Variants in KIF27 observed in about 807,000 individuals in gnomAD.
KIF27 encodes the protein kinesin-like protein KIF27.
Under a neutral mutation model 141.8 loss-of-function variants are expected in KIF27, and 84 were observed. The observed-to-expected ratio is 0.59, with a 90% CI of 0.50 to 0.71. The LOEUF (loss-of-function observed/expected upper bound fraction) is 0.71. KIF27 is among the 30% of genes least tolerant of loss of function. KIF27 has a pLI of 0.00. For missense variants in KIF27, 1,306 were observed against 1,628.4 expected (o/e 0.80, Z 3.41); for synonymous variants, 471 against 569.5 (o/e 0.83, Z 2.46).
At position 83,859,374 on chromosome 9, in the gene KIF27, A is replaced by C; in HGVS notation, c.2935-3T>G. 6.2e-7 allele frequency: 1 copy of C among 1,609,822 alleles called. No individual in the cohort carries two copies. Among genetic ancestry groups the C allele is most frequent in the East Asian group, 2.2e-5 (1 of 44,854 alleles). The stretch of plus-strand genomic sequence containing the variant: ...TTCAAACTATCTGTGTTTAAGGCCT[A>C]AAAGATACAACCCACCAGCCACCTC... On this transcript the variant is annotated splice_region_variant and splice_polypyrimidine_tract_variant and intron_variant, in intron 13 of 17. Coordinates refer to ENST00000297814, the MANE Select transcript of KIF27 (RefSeq NM_017576.4).
chr9:83,901,587 TGTGTTGG>T (rs1953894051), intron 4 of KIF27, among the ~76,000 whole-genome samples: 1 of 152,114 alleles, frequency 6.6e-6, no homozygotes, highest in Non-Finnish European at 1.5e-5. Context: ...AATTTTTTTG[TGTGTTGG>T]CCGGGTGCGG....
At chr9:83,845,916 G>A (rs576294151) in intron 16 of KIF27, among the ~76,000 whole-genome samples, 191 of 152,282 alleles carry the variant, frequency 1.3e-3, no homozygotes, top group African/African-American at 4.3e-3. Context: ...GCTCACCAAC[G>A]GATGACCTCA....
intron 3 of KIF27, among the ~76,000 whole-genome samples, chr9:83,907,140 A>C (rs1402116382): frequency 6.6e-6 from 1 of 151,674 alleles, no homozygotes; most frequent in Non-Finnish European, 1.5e-5. Flanking sequence ...AATACAAAAA[A>C]TTAGCTGGAC....
chr9:83,844,804 G>A (rs918424692), intron 16 of KIF27, among the ~76,000 whole-genome samples: 1 of 152,166 alleles, frequency 6.6e-6, no homozygotes, highest in African/African-American at 2.4e-5. Flanking sequence ...GTGGTGTGGG[G>A]CCTGTCGAAA....
At chr9:83,906,744 C>CAAAAAAAA (rs565683124) in intron 3 of KIF27, among the ~76,000 whole-genome samples, 2 of 50,030 alleles carry the variant, frequency 4.0e-5, no homozygotes, top group Admixed American at 2.2e-4. Context: ...ACCCTGTCTC[C>CAAAAAAAA]AAAAAAAAAA....
At position 83,867,769 on chromosome 9, in the gene KIF27, T is replaced by C; in HGVS notation, c.2849A>G (p.Lys950Arg). 1 of 1,613,722 alleles carries C rather than the reference T, an allele frequency of 6.2e-7. No homozygotes were observed. Among genetic ancestry groups the C allele is most frequent in the Non-Finnish European group, 8.5e-7 (1 of 1,179,756 alleles). ...QELEELEADL[K>R]KREAIVSKKE... The stretch of plus-strand genomic sequence containing the variant: ...CTTAGAAACTATGGCCTCCCGTTTC[T>C]TTAAGTCTGCTTCCAGCTCCTCTAA... The change falls in exon 13 of 18, where the codon AAG becomes AGG. Residue 950 changes from lysine to arginine, a missense_variant. This residue lies in a region of KIF27 where 596 missense variants were observed against 751.6 expected (regional missense o/e 0.79). Coordinates refer to ENST00000297814, the MANE Select transcript of KIF27 (RefSeq NM_017576.4).
At chr9:83,870,699 A>AT in intron 11 of KIF27, 67 bp from the exon 12 acceptor site, 3 of 1,445,292 alleles carry the variant, frequency 2.1e-6, no homozygotes, top group Admixed American at 5.5e-5. Flanking sequence ...GCTGATGACA[A>AT]TTATTTTCTT....
intron 5 of KIF27, among the ~76,000 whole-genome samples, chr9:83,893,275 T>C (rs1952853448): frequency 6.6e-6 from 1 of 152,050 alleles, no homozygotes. Context: ...ATTACTGATA[T>C]AACAAAAAGA....
At chr9:83,899,169 A>G (rs967531684) in intron 5 of KIF27, among the ~76,000 whole-genome samples, 1 of 152,226 alleles carries the variant, frequency 6.6e-6, no homozygotes, top group East Asian at 1.9e-4. Context: ...AGGGAGTTTA[A>G]TATGTAGAGG....
chr9:83,860,420 C>G (rs941428740), intron 13 of KIF27, among the ~76,000 whole-genome samples: 3 of 152,152 alleles, frequency 2.0e-5, no homozygotes, highest in Non-Finnish European at 4.4e-5. Context: ...GGATTTAGCA[C>G]TCTTGTACCT....
rs575293786 is a variant in KIF27 at position 83,849,970 on chromosome 9, C to T, written c.3556+129G>A. On this transcript the variant is annotated intron_variant, in intron 16 of 17. Transcript: ENST00000297814. The stretch of plus-strand genomic sequence containing the variant: ...AATGCGGCAACCAAAACATGTAAAG[C>T]CCAAAAACTTGTCTAAGTAGCAACT... The T allele has an allele frequency of 7.6e-4, 595 of 787,142 alleles. 1 individual carries two copies. The highest frequency in any genetic ancestry group is 1.1e-3 in the Non-Finnish European group (525 of 473,228). The allele number at this position is 787,142 out of a possible 1,614,324, so 48.8% of individuals were successfully genotyped here.
intron 16 of KIF27, among the ~76,000 whole-genome samples, chr9:83,847,262 T>G (rs1168474249): frequency 6.6e-6 from 1 of 152,196 alleles, no homozygotes; most frequent in Non-Finnish European, 1.5e-5. Flanking sequence ...ACTGTCATAG[T>G]TCCTCCTTAT....
chr9:83,847,198 T>C (rs1262380782), intron 16 of KIF27, among the ~76,000 whole-genome samples: 1 of 152,182 alleles, frequency 6.6e-6, no homozygotes, highest in Non-Finnish European at 1.5e-5. Context: ...CAGAAGAAGG[T>C]GGTCATCAAT....
chr9:83,912,935 T>C (rs759039362), intron 2 of KIF27, among the ~76,000 whole-genome samples: 1 of 151,768 alleles, frequency 6.6e-6, no homozygotes, highest in Non-Finnish European at 1.5e-5. Context: ...GCAGGGCGGA[T>C]CACTTGATCT....
At chr9:83,838,320 G>A (rs1283985759) in intron 17 of KIF27, among the ~76,000 whole-genome samples, 2 of 151,858 alleles carry the variant, frequency 1.3e-5, no homozygotes, top group Admixed American at 6.6e-5. Context: ...TGCAAGCTCC[G>A]CTTCCTGGGT....
intron 2 of KIF27, among the ~76,000 whole-genome samples, chr9:83,913,060 G>T (rs1955333906): frequency 6.6e-6 from 1 of 151,816 alleles, no homozygotes. Flanking sequence ...AGATACTTAG[G>T]AGGCCAAGGT....
At chr9:83,889,052 A>G (rs1952408609) in intron 7 of KIF27, 32 bp downstream of exon 7, 10 of 1,580,576 alleles carry the variant, frequency 6.3e-6, no homozygotes, top group African/African-American at 1.4e-5. Context: ...ATAATTCTAA[A>G]TATTTATTAA....
At chr9:83,887,869 C>T (rs991360651) in intron 8 of KIF27, among the ~76,000 whole-genome samples, 1 of 151,876 alleles carries the variant, frequency 6.6e-6, no homozygotes, top group African/African-American at 2.4e-5. Context: ...CTCATAAAGC[C>T]ACGTATAGGT....
intron 10 of KIF27, among the ~76,000 whole-genome samples, chr9:83,881,869 T>C (rs1349227587): frequency 6.6e-6 from 1 of 152,242 alleles, no homozygotes; most frequent in African/African-American, 2.4e-5. Flanking sequence ...CTGTTGCCAT[T>C]GTCTTTTGCA....
Sources: allele counts gnomAD v4.1 joint callset (sites outside exome capture counted in the v4.1 genomes callset), GRCh38; gene constraint gnomAD v4.1.1; regional missense constraint gnomAD v4.1.1; transcripts MANE v1.5; gene names NCBI Gene and HGNC (gene_info 2026-07-23, HGNC 2026-07-21).